MAMSTR: variants seen among roughly 807,000 people sequenced by gnomAD.
The protein encoded by MAMSTR is MEF2 activating motif and SAP domain containing transcriptional regulator, also known as MEF2-activating motif and SAP domain-containing transcriptional regulator.
MAMSTR carries 41 observed loss-of-function variants against 42.7 expected under a neutral mutation model. The observed-to-expected ratio is 0.96, with a 90% confidence interval of 0.75 to 1.25. The LOEUF (loss-of-function observed/expected upper bound fraction) is 1.25. Among genes scored for constraint, MAMSTR ranks in the 50% most tolerant of loss-of-function variants. The probability of loss-of-function intolerance (pLI) is 0.00; values close to 1 mark genes in which losing one functional copy is unlikely to be tolerated. For synonymous variants in MAMSTR, 265 were observed against 244.1 expected (o/e 1.09, Z -0.80); for missense variants, 567 against 557.6 (o/e 1.02, Z -0.17).
the MAMSTR span, chr19:48,706,009 T>A: frequency 6.5e-6 from 1 of 152,706 alleles, no homozygotes; most frequent in African/African-American, 2.4e-5. Flanking sequence ...AAATACATCT[T>A]AGGCCAGGCA....
intron 3 of MAMSTR, among the ~76,000 whole-genome samples, chr19:48,716,374 C>CAAAAAAA (rs35058019): frequency 6.2e-5 from 4 of 65,018 alleles, no homozygotes; most frequent in African/African-American, 2.4e-4. Context: ...GATTCCATCT[C>CAAAAAAA]AAAAAAAAAA....
downstream of MAMSTR, among the ~76,000 whole-genome samples, chr19:48,707,877 A>AAG (rs1339678976): frequency 8.6e-6 from 1 of 115,908 alleles, no homozygotes; most frequent in African/African-American, 3.7e-5. Context: ...GAAAGAAAGA[A>AAG]AGAAAGAAAG....
chr19:48,712,961 G>A lies in MAMSTR; in HGVS notation c.*306C>T. On this transcript the variant is annotated 3_prime_UTR_variant, in exon 10 of 10. Transcript: ENST00000318083. Reference sequence around the variant, plus strand: ...CCCAAACAACAGGGAGCCATCTACCGGGGTCGGGGGCATGTAAGAACATCC... The same window carrying A: ...CCCAAACAACAGGGAGCCATCTACCAGGGTCGGGGGCATGTAAGAACATCC... 7.2e-6 allele frequency: 2 copies of A among 277,498 alleles called. No individual in the cohort carries two copies. Among genetic ancestry groups the A allele is most frequent in the Non-Finnish European group, 6.7e-6 (1 of 149,678 alleles). 17.2% of individuals were successfully genotyped at this position (277,498 alleles called of 1,614,324 possible).
Position 48,714,536 on chromosome 19 carries a change from G to T in MAMSTR, c.553C>A (p.Arg185Ser). Residue 185 changes from arginine (R) to serine (S), a missense_variant, in exon 7 of 10, where the codon CGC becomes AGC. Physicochemically the swap from Arg to Ser is moderately radical, Grantham distance 110 (BLOSUM62 -1). Coordinates refer to ENST00000318083, the MANE Select transcript of MAMSTR (RefSeq NM_001130915.2). ...CCCGACACTGGGAGGCCCCGCAGGCGCAGCTGCTGCCGGAGCTCTGAGACC... is the reference window on the plus strand; with the variant it reads ...CCCGACACTGGGAGGCCCCGCAGGCTCAGCTGCTGCCGGAGCTCTGAGACC... ...LTVSELRQQL[R>S]LRGLPVSGTK... 2 of 1,457,190 alleles carry T rather than the reference G, an allele frequency of 1.4e-6. No individual in the cohort carries two copies. The highest frequency in any genetic ancestry group is 2.9e-5 in the South Asian group (2 of 69,440). 90.3% of individuals were successfully genotyped at this position (1,457,190 alleles called of 1,614,324 possible). A position where few individuals can be genotyped will look rare whatever the true frequency, so the allele number is the denominator to read the frequency against.
At chr19:48,708,096 T>C (rs1233653121), downstream of MAMSTR, among the ~76,000 whole-genome samples, 1 of 151,594 alleles carries the variant, frequency 6.6e-6, no homozygotes, top group Non-Finnish European at 1.5e-5. Context: ...TAGCCAAGTG[T>C]AGTGGCGCAT....
In MAMSTR at chr19:48,715,357, CT is replaced by C; in HGVS notation, c.329del (p.Gln110ArgfsTer34). The part of the protein sequence containing the change: ...YHQYMPPEPR[Q>X]GSRADPQAEG... ...CGGCTTGGGGGTCCGCCCTGGATCC[CT>C]GTCTCGGCTCTGGGGGCATGTACTG... On this transcript the variant is annotated frameshift_variant, in exon 5 of 10. Transcript: ENST00000318083. LOFTEE classifies it high-confidence loss of function. The C allele has an allele frequency of 6.5e-7, 1 of 1,548,056 alleles. No individual in the cohort carries two copies. Among genetic ancestry groups the C allele is most frequent in the Non-Finnish European group, 8.7e-7 (1 of 1,155,058 alleles).
At chr19:48,718,868 C>G in intron 2 of MAMSTR, 106 bp downstream of exon 2, 1 of 1,157,496 alleles carries the variant, frequency 8.6e-7, no homozygotes, top group Non-Finnish European at 1.2e-6. Flanking sequence ...TGACCTTTTG[C>G]ACAAAAAACA....
At chr19:48,716,906 C>T (rs1316486282) in intron 2 of MAMSTR, 163 bp from the exon 3 acceptor site, 6 of 1,211,746 alleles carry the variant, frequency 5.0e-6, no homozygotes, top group South Asian at 4.2e-5. Context: ...CTCCCTTCCT[C>T]GGGCCTCCCG....
chr19:48,711,699 C>T (rs184062267), downstream of MAMSTR, among the ~76,000 whole-genome samples: 6 of 146,294 alleles, frequency 4.1e-5, no homozygotes, highest in South Asian at 2.1e-4. Flanking sequence ...CGGTCTCTCA[C>T]GTAGCTGGGA....
rs537787571 is a variant in MAMSTR at position 48,714,794 on chromosome 19, C to A, written c.528+12G>T. 6.3e-7 allele frequency: 1 copy of A among 1,587,392 alleles called. No individual in the cohort carries two copies. The highest frequency in any genetic ancestry group is 1.1e-5 in the South Asian group (1 of 90,734). Reference sequence around the variant, plus strand: ...GAGAGAGAAGGCCTGGAAAGTTACACCCCAAACTCACCGTCAGCTCCTCCA... The same window carrying A: ...GAGAGAGAAGGCCTGGAAAGTTACAACCCAAACTCACCGTCAGCTCCTCCA... On this transcript the variant is annotated intron_variant, in intron 6 of 9. Coordinates refer to ENST00000318083, the MANE Select transcript of MAMSTR (RefSeq NM_001130915.2).
At position 48,713,306 on chromosome 19, in the gene MAMSTR, G is replaced by A. The variant is rs1485015126; in HGVS notation, c.1209C>T (p.Ser403=). The change falls in exon 10 of 10, where the codon AGC becomes AGT. Residue 403 remains serine (S), a synonymous_variant. Transcript: ENST00000318083. ...SIFSADLSDS[S]SSRLWDLLED... is the part of the protein sequence containing the mutation. ...CCAGCAGGTCCCACAGCCGGCTGCT[G>A]CTGGAGTCAGATAAGTCAGCGGAGA... The A allele has an allele frequency of 6.2e-7, 1 of 1,605,012 alleles. No individual in the cohort carries two copies. Among genetic ancestry groups the A allele is most frequent in the African/African-American group, 1.3e-5 (1 of 74,228 alleles).
chr19:48,718,499 C>T (rs907705957), intron 2 of MAMSTR, among the ~76,000 whole-genome samples: 3 of 151,274 alleles, frequency 2.0e-5, no homozygotes, highest in African/African-American at 4.9e-5. Context: ...GCGATTCTCC[C>T]GCCTCAACCT....
chr19:48,716,586 C>G, intron 3 of MAMSTR, 119 bp downstream of exon 3: 2 of 1,175,890 alleles, frequency 1.7e-6, no homozygotes, highest in Non-Finnish European at 2.2e-6. Context: ...TTTGGTCTGT[C>G]CCAGGGGATG....
Position 48,713,403 on chromosome 19 carries a change from T to G in MAMSTR, c.1112A>C (p.Asp371Ala). ...CAGGGCCTCCAGCCAGTCCAGGGAG[T>G]CCGTGGGGTCCCTGGGAGAAGGGGA... ...SSSPSPRDPT[D>A]SLDWLEALSG... Residue 371 changes from aspartate (D) to alanine (A), a missense_variant, in exon 10 of 10, where the codon GAC becomes GCC. Physicochemically the swap from Asp to Ala is moderately radical, Grantham distance 126. Coordinates refer to ENST00000318083, the MANE Select transcript of MAMSTR (RefSeq NM_001130915.2). 1.2e-6 allele frequency: 2 copies of G among 1,612,626 alleles called. No homozygotes were observed. The highest frequency in any genetic ancestry group is 1.7e-6 in the Non-Finnish European group (2 of 1,179,604).
In MAMSTR at chr19:48,715,053, C is replaced by T. The variant is rs532015759; in HGVS notation, c.426-145G>A. ...GGTCTCCAAGGGCGCAAACATGGGG[C>T]TAGATTTCTGTGCATGGGGGAGGAG... On this transcript the variant is annotated intron_variant, in intron 5 of 9. Transcript: ENST00000318083. 6 of 686,942 alleles carry T rather than the reference C, an allele frequency of 8.7e-6. No individual in the cohort carries two copies. In the African/African-American group the frequency reaches 9.1e-5, roughly 10 times the overall value. The allele number at this position is 686,942 out of a possible 1,614,324, so 42.6% of individuals were successfully genotyped here.
At chr19:48,707,892 G>GAAAGAAAAGA (rs2032675669), downstream of MAMSTR, among the ~76,000 whole-genome samples, 1 of 102,382 alleles carries the variant, frequency 9.8e-6, no homozygotes, top group Admixed American at 1.0e-4. Flanking sequence ...AGAAAGAAAA[G>GAAAGAAAAGA]AAAGAAAGAA....
downstream of MAMSTR, among the ~76,000 whole-genome samples, chr19:48,708,753 G>T (rs1030747767): frequency 6.6e-6 from 1 of 152,152 alleles, no homozygotes; most frequent in African/African-American, 2.4e-5. Flanking sequence ...CAGGTGGGGG[G>T]CCTGGCAGAA....
Position 48,715,284 on chromosome 19 carries a change from C to T in MAMSTR, c.403G>A (p.Asp135Asn), listed in dbSNP as rs1373411945. The change falls in exon 5 of 10, where the codon GAC (aspartate) becomes AAC (asparagine). Residue 135 changes from aspartate to asparagine, a missense_variant. Transcript: ENST00000318083. Reference sequence around the variant, plus strand: ...TACCTAGGATGTGGCTGCTGCGAGTCTGTCCCTTCCCACAGAGATGGCCCA... The same window carrying T: ...TACCTAGGATGTGGCTGCTGCGAGTTTGTCCCTTCCCACAGAGATGGCCCA... ...PPGPSLWEGTDSQQPHPRMKP... is the reference protein window; with the variant it reads ...PPGPSLWEGTNSQQPHPRMKP... The T allele has an allele frequency of 8.8e-6, 14 of 1,593,476 alleles. No homozygotes were observed. The highest frequency in any genetic ancestry group is 1.1e-5 in the Non-Finnish European group (13 of 1,171,208).
At chr19:48,718,489 G>A (rs987299635) in intron 2 of MAMSTR, among the ~76,000 whole-genome samples, 3 of 148,748 alleles carry the variant, frequency 2.0e-5, no homozygotes, top group African/African-American at 7.5e-5. Flanking sequence ...CCGGGTTCAA[G>A]CGATTCTCCC....
Sources: gnomAD v4.1 joint callset for allele counts (sites outside exome capture counted in the v4.1 genomes callset) on GRCh38, gnomAD v4.1.1 for gene constraint, MANE v1.5 for transcripts, NCBI Gene and HGNC (gene_info 2026-07-23, HGNC 2026-07-21) for gene names.